Variants in ADGRL3 observed in about 807,000 individuals in gnomAD.
ADGRL3 encodes the protein adhesion G protein-coupled receptor L3, also known as calcium-independent alpha-latrotoxin receptor 3.
ADGRL3 carries 62 observed loss-of-function variants against 153.5 expected under a neutral mutation model. The ratio of observed to expected loss-of-function variants is 0.40; its 90% CI spans 0.33 to 0.50. The LOEUF is 0.50. ADGRL3 is among the 20% of genes least tolerant of loss of function. ADGRL3 has a pLI of 0.47. For missense variants in ADGRL3, 1,641 were observed against 1,859.4 expected (o/e 0.88, Z 2.16); for synonymous variants, 710 against 672.5 (o/e 1.06, Z -0.86).
intron 5 of ADGRL3, among the ~76,000 whole-genome samples, chr4:61,664,676 A>T (rs2094721483): frequency 6.6e-6 from 1 of 152,192 alleles, no homozygotes; most frequent in South Asian, 2.1e-4. Flanking sequence ...GCCTCATATC[A>T]TATACATTTA....
At chr4:61,848,610 T>C (rs886079018) in intron 9 of ADGRL3, among the ~76,000 whole-genome samples, 2 of 152,112 alleles carry the variant, frequency 1.3e-5, no homozygotes, top group African/African-American at 4.8e-5. Flanking sequence ...GACTTCAATG[T>C]ATCTTTTTGA....
At chr4:61,229,048 C>T (rs564531856) in intron 1 of ADGRL3, among the ~76,000 whole-genome samples, 50 of 152,262 alleles carry the variant, frequency 3.3e-4, no homozygotes, top group Non-Finnish European at 5.7e-4. Flanking sequence ...TGTACAGATA[C>T]AGTAAATGTC....
intron 8 of ADGRL3, among the ~76,000 whole-genome samples, chr4:61,800,349 C>T (rs963974743): frequency 8.5e-5 from 13 of 152,248 alleles, no homozygotes; most frequent in East Asian, 3.9e-4. Context: ...GTTATCATCA[C>T]GAAATTCAGG....
intron 4 of ADGRL3, chr4:61,583,667 C>A (rs529355444): frequency 1.9e-6 from 1 of 518,290 alleles, no homozygotes; most frequent in African/African-American, 1.9e-5. Context: ...TTAATTAGTT[C>A]ATGTCCCTTC....
intron 5 of ADGRL3, among the ~76,000 whole-genome samples, chr4:61,620,777 A>C (rs940744726): frequency 6.6e-6 from 1 of 150,400 alleles, no homozygotes; most frequent in Non-Finnish European, 1.5e-5. Flanking sequence ...AGTAGCTGGG[A>C]CTACAGGCAC....
intron 4 of ADGRL3, among the ~76,000 whole-genome samples, chr4:61,532,555 C>CGTGCGTGT (rs2098628846): frequency 7.6e-6 from 1 of 131,438 alleles, no homozygotes; most frequent in Non-Finnish European, 1.6e-5. Context: ...CGCGCGCGCG[C>CGTGCGTGT]GTGTGTGTGT....
At chr4:61,590,041 T>C (rs1026052795) in intron 5 of ADGRL3, among the ~76,000 whole-genome samples, 1 of 152,164 alleles carries the variant, frequency 6.6e-6, no homozygotes, top group Non-Finnish European at 1.5e-5. Flanking sequence ...GCTTTACTTC[T>C]GCTTCAATAT....
chr4:61,868,015 C>A (rs538162723), intron 9 of ADGRL3, among the ~76,000 whole-genome samples: 1 of 152,044 alleles, frequency 6.6e-6, no homozygotes, highest in Non-Finnish European at 1.5e-5. Flanking sequence ...TTTATAATAT[C>A]CTGTTTTAAT....
intron 3 of ADGRL3, among the ~76,000 whole-genome samples, chr4:61,510,072 G>A (rs752117122): frequency 3.9e-5 from 6 of 152,134 alleles, no homozygotes; most frequent in East Asian, 1.9e-4. Context: ...CTTCTTTTGC[G>A]AAGTGTTTGT....
intron 1 of ADGRL3, among the ~76,000 whole-genome samples, chr4:61,382,355 A>G (rs1228424685): frequency 6.6e-6 from 1 of 151,586 alleles, no homozygotes; most frequent in East Asian, 1.9e-4. Flanking sequence ...AGCTCTTTAA[A>G]TAGACATACT....
chr4:61,286,120 T>C (rs146937181), intron 1 of ADGRL3, among the ~76,000 whole-genome samples: 6,734 of 151,650 alleles, frequency 0.044, 276 homozygotes, highest in African/African-American at 0.099. Flanking sequence ...TATTCTGCTA[T>C]AAAATTAATC....
At chr4:61,663,252 T>C (rs2150615616) in intron 5 of ADGRL3, among the ~76,000 whole-genome samples, 1 of 152,278 alleles carries the variant, frequency 6.6e-6, no homozygotes, top group Admixed American at 6.5e-5. Flanking sequence ...AGCCCAGACC[T>C]AGGAGCTCCC....
In ADGRL3 at chr4:61,948,631, G is replaced by A. The variant is rs185467753; in HGVS notation, c.2805+355G>A. On this transcript the variant is annotated intron_variant, in intron 17 of 26. Transcript: ENST00000683033. ...TTTAGAAAGCTGGGACTGGGGAGGC[G>A]GAAGAATAAAGAGCTATGCATAGGT... is the stretch of plus-strand genomic sequence containing the variant. Among the ~76,000 whole-genome samples the A allele has an allele frequency of 3.7e-4, 57 of 152,204 alleles. 1 individual carries two copies. The highest frequency in any genetic ancestry group is 9.7e-4 in the East Asian group (5 of 5,160).
At chr4:61,242,379 G>A (rs1755329627) in intron 1 of ADGRL3, among the ~76,000 whole-genome samples, 1 of 152,010 alleles carries the variant, frequency 6.6e-6, no homozygotes, top group South Asian at 2.1e-4. Flanking sequence ...GTTGTACTTT[G>A]ATGTTTTTCA....
At chr4:61,813,948 G>A in intron 9 of ADGRL3, 59 bp downstream of exon 9, 1 of 1,592,496 alleles carries the variant, frequency 6.3e-7, no homozygotes, top group Non-Finnish European at 8.6e-7. Context: ...TGAAAGCAAT[G>A]ATGGTTGTAC....
intron 2 of ADGRL3, among the ~76,000 whole-genome samples, chr4:61,414,008 T>TAA (rs2097118011): frequency 6.6e-6 from 1 of 152,244 alleles, no homozygotes; most frequent in Non-Finnish European, 1.5e-5. Context: ...TGTATAATTT[T>TAA]TCTATAGTCA....
Position 61,324,780 on chromosome 4 carries a change from A to G in ADGRL3, c.-239-58344A>G, listed in dbSNP as rs570445251. On this transcript the variant is annotated intron_variant, in intron 1 of 26. Coordinates refer to ENST00000683033, the MANE Select transcript of ADGRL3 (RefSeq NM_001387552.1). ...TAAGATTTTTAACACCAATAACCAT[A>G]TACTAAACTTTTTGGCATTTTTGTC... 6.6e-5 allele frequency among the ~76,000 whole-genome samples: 10 copies of G among 152,282 alleles called. No homozygotes were observed. In the East Asian group the frequency reaches 1.2e-3, roughly 18 times the overall value.
intron 1 of ADGRL3, among the ~76,000 whole-genome samples, chr4:61,304,048 A>G (rs73216306): frequency 0.029 from 4,473 of 152,252 alleles, 203 homozygotes; most frequent in African/African-American, 0.1. Flanking sequence ...AGCAGCTGTG[A>G]CTGCTGTGCA....
chr4:61,354,875 T>C (rs963753399), intron 1 of ADGRL3, among the ~76,000 whole-genome samples: 4 of 152,148 alleles, frequency 2.6e-5, no homozygotes, highest in African/African-American at 9.6e-5. Context: ...TATAGTTTTG[T>C]GACCTTTGTT....
Sources: allele counts gnomAD v4.1 joint callset (sites outside exome capture counted in the v4.1 genomes callset), GRCh38; gene constraint gnomAD v4.1.1; transcripts MANE v1.5; gene names NCBI Gene and HGNC (gene_info 2026-07-23, HGNC 2026-07-21).